The following PAX9 variants were observed in gnomAD, a reference collection of about 807,000 sequenced individuals.
The protein encoded by PAX9 is paired box 9, also known as paired box protein Pax-9.
In PAX9, 6 loss-of-function variants were observed where a neutral mutation model predicts 29.1. That is an observed-to-expected ratio of 0.21 (90% confidence interval 0.11 to 0.41). The LOEUF is 0.41. Among genes scored for constraint, PAX9 ranks in the 10% least tolerant of loss-of-function variants. The pLI, the probability that PAX9 is intolerant of heterozygous loss-of-function variation, is 1.00. For synonymous variants in PAX9, 217 were observed against 211.7 expected (o/e 1.03, Z -0.22); for missense variants, 443 against 479.1 (o/e 0.92, Z 0.70).
chr14:36,662,676 G>T, intron 1 of PAX9: 1 of 600,822 alleles, frequency 1.7e-6, no homozygotes, highest in East Asian at 2.8e-5. Flanking sequence ...GGCCGTAGGG[G>T]CCTCCGGCAC....
upstream of PAX9, among the ~76,000 whole-genome samples, chr14:36,660,577 C>T (rs1309324282): frequency 6.6e-6 from 1 of 152,188 alleles, no homozygotes; most frequent in African/African-American, 2.4e-5. Context: ...GACCTGAGAT[C>T]TGGGACCAGT....
chr14:36,672,785 GT>G lies in PAX9; in HGVS notation c.772-3402del, dbSNP rs1555317465. Among the ~76,000 whole-genome samples, 529 of 125,272 alleles carry G rather than the reference GT, an allele frequency of 4.2e-3. 1 individual carries two copies. Among genetic ancestry groups the G allele is most frequent in the South Asian group, 0.01 (43 of 4,158 alleles). The allele number at this position is 125,272 out of a possible 152,430, so 82.2% of individuals were successfully genotyped here. On this transcript the variant is annotated intron_variant, in intron 3 of 3. Transcript: ENST00000361487. Reference sequence around the variant, plus strand: ...TGTTTAAGTTTAAAGATTTATGTTTGTTTTTTTTTTTAAGCAAACGTTTTAG... The same window carrying G: ...TGTTTAAGTTTAAAGATTTATGTTTGTTTTTTTTTTAAGCAAACGTTTTAG...
chr14:36,666,973 C>T (rs1207102539), intron 3 of PAX9, among the ~76,000 whole-genome samples: 1 of 152,138 alleles, frequency 6.6e-6, no homozygotes, highest in African/African-American at 2.4e-5. Flanking sequence ...CCAAAGAAGG[C>T]GCTTCTGAAG....
intron 3 of PAX9, chr14:36,672,009 CTTGCACAGTTCT>C (rs1484298615): frequency 6.6e-6 from 1 of 152,130 alleles, no homozygotes; most frequent in Non-Finnish European, 1.5e-5. Context: ...AGAGAGCACC[CTTGCACAGTTCT>C]TTCAGGGGAA....
chr14:36,667,814 G>A lies in PAX9; in HGVS notation c.771+1213G>A, dbSNP rs924783896. 5.9e-5 allele frequency among the ~76,000 whole-genome samples: 9 copies of A among 152,186 alleles called. No homozygotes were observed. The East Asian group carries it at 1.2e-3, about 20-fold the overall frequency. ...TGTTTCTACTGTGAAGAATGTCAAT[G>A]AGAAATGATAAGGAAGTTTGTCATT... On this transcript the variant is annotated intron_variant, in intron 3 of 3. Transcript: ENST00000361487.
chr14:36,671,288 A>G (rs1594472551), intron 3 of PAX9: 1 of 200,024 alleles, frequency 5.0e-6, no homozygotes, highest in East Asian at 1.6e-4. Flanking sequence ...ATAATGGTCT[A>G]TAACCTCTAA....
intron 3 of PAX9, among the ~76,000 whole-genome samples, chr14:36,675,994 A>C (rs1415445256): frequency 6.6e-6 from 1 of 152,220 alleles, no homozygotes; most frequent in Admixed American, 6.5e-5. Flanking sequence ...GGAAAGAATA[A>C]TATCTTGTCA....
chr14:36,669,678 A>G (rs1283012195), intron 3 of PAX9, among the ~76,000 whole-genome samples: 2 of 152,156 alleles, frequency 1.3e-5, no homozygotes, highest in African/African-American at 4.8e-5. Flanking sequence ...TTTCAGCTTA[A>G]ACTGTAAAGA....
rs921041916 is a variant in PAX9 at position 36,663,815 on chromosome 14, G to A, written c.631+292G>A. Among the ~76,000 whole-genome samples the A allele has an allele frequency of 5.3e-5, 8 of 152,062 alleles. No homozygotes were observed. The East Asian group carries it at 7.7e-4, about 15-fold the overall frequency. ...TTTTCCACCCTCCCCCGCCTCTCGC[G>A]CCGAGGCAGCCTCAGCCCGGCTTGC... On this transcript the variant is annotated intron_variant, in intron 2 of 3. Transcript: ENST00000361487.
intron 2 of PAX9, 70 bp from the exon 3 acceptor site, chr14:36,666,392 T>A: frequency 1.3e-6 from 2 of 1,563,444 alleles, no homozygotes; most frequent in Non-Finnish European, 1.7e-6. Context: ...GTCGCGGGTT[T>A]GGGTCCCGTC....
In PAX9 at chr14:36,663,474, C is replaced by T. The variant is rs1488338034; in HGVS notation, c.582C>T (p.Ser194=). ...GSVAMPRTWP[S]SHSVTDILGI... is the part of the protein sequence containing the mutation. ...TGGCCATGCCGCGCACCTGGCCCTCCTCGCACTCCGTCACCGACATCCTGG... is the reference window on the plus strand; with the variant it reads ...TGGCCATGCCGCGCACCTGGCCCTCTTCGCACTCCGTCACCGACATCCTGG... The change falls in exon 2 of 4, where the codon TCC becomes TCT. Residue 194 remains serine, a synonymous_variant. Transcript: ENST00000361487. 4 of 1,613,068 alleles carry T rather than the reference C, an allele frequency of 2.5e-6. No homozygotes were observed. The highest frequency in any genetic ancestry group is 1.6e-4 in the Middle Eastern group (1 of 6,062).
rs61994921 is a variant in PAX9 at position 36,679,011 on chromosome 14, C to A, written c.*2559C>A. ...TATCTCATAGATGGTAAAAGTGTTG[C>A]TTTTAAACTGGCAAATGCACTCTTC... On this transcript the variant is annotated 3_prime_UTR_variant, in exon 4 of 4. Coordinates refer to ENST00000361487, the MANE Select transcript of PAX9 (RefSeq NM_001372076.1). The A allele has an allele frequency of 0.14, 134,669 of 950,152 alleles. 10,001 individuals carry two copies. The highest frequency in any genetic ancestry group is 0.34 in the Admixed American group (4,990 of 14,730). 58.9% of individuals were successfully genotyped at this position (950,152 alleles called of 1,614,324 possible). A position where few individuals can be genotyped will look rare whatever the true frequency, so the allele number is the denominator to read the frequency against.
At chr14:36,657,603 G>C (rs564393291), upstream of PAX9, 5 of 152,180 alleles carry the variant, frequency 3.3e-5, no homozygotes, top group Non-Finnish European at 5.9e-5. Flanking sequence ...AGCGGGCGAC[G>C]AGCGCTCGCA....
chr14:36,674,298 G>C (rs1881803736), intron 3 of PAX9, among the ~76,000 whole-genome samples: 4 of 152,210 alleles, frequency 2.6e-5, no homozygotes, highest in Admixed American at 6.5e-5. Flanking sequence ...AGATGCACTA[G>C]TTTTAAATTA....
intron 3 of PAX9, among the ~76,000 whole-genome samples, chr14:36,668,761 C>T (rs1241280225): frequency 7.7e-6 from 1 of 129,974 alleles, no homozygotes; most frequent in East Asian, 1.9e-4. Context: ...ATTTATAATA[C>T]ACTTCAAAAC....
chr14:36,666,511 C>T lies in PAX9; in HGVS notation c.681C>T (p.Ser227=). Residue 227 remains serine, a synonymous_variant, in exon 3 of 4, where the codon AGC becomes AGT. Transcript: ENST00000361487. The stretch of plus-strand genomic sequence containing the variant: ...GCCCCAAGGTGGAGGAGTGGAGCAG[C>T]CTGGGCCGCAACAACTTCCCCGCCG... ...YHSPKVEEWS[S]LGRNNFPAAA... The T allele has an allele frequency of 6.2e-7, 1 of 1,606,858 alleles. No individual in the cohort carries two copies. Among genetic ancestry groups the T allele is most frequent in the Non-Finnish European group, 8.5e-7 (1 of 1,177,090 alleles).
chr14:36,659,837 C>T (rs146484525), upstream of PAX9, among the ~76,000 whole-genome samples: 65 of 152,312 alleles, frequency 4.3e-4, 3 homozygotes, highest in East Asian at 0.013. Context: ...GAGCTCTAAA[C>T]CATATCAGTT....
chr14:36,658,226 T>C (rs1210982037), upstream of PAX9, among the ~76,000 whole-genome samples: 1 of 152,050 alleles, frequency 6.6e-6, no homozygotes, highest in Non-Finnish European at 1.5e-5. Flanking sequence ...CCCTGAAGGG[T>C]CTTGCCTTTA....
At chr14:36,668,045 T>C (rs1261418516) in intron 3 of PAX9, among the ~76,000 whole-genome samples, 2 of 152,210 alleles carry the variant, frequency 1.3e-5, no homozygotes, top group Admixed American at 6.5e-5. Context: ...TGCAACCATA[T>C]GGCACATAGT....
Sources: gnomAD v4.1 joint callset for allele counts (sites outside exome capture counted in the v4.1 genomes callset) on GRCh38, gnomAD v4.1.1 for gene constraint, MANE v1.5 for transcripts, NCBI Gene and HGNC (gene_info 2026-07-23, HGNC 2026-07-21) for gene names.